Variants in PRSS55 observed in about 807,000 individuals in gnomAD.
PRSS55 encodes the protein serine protease 55, also known as probable serine protease UNQ9391/PRO34284.
PRSS55 carries 41 observed loss-of-function variants against 23.6 expected under a neutral mutation model. That is an observed-to-expected ratio of 1.74 (90% CI 1.35 to 2.26). The LOEUF is 2.26. Ranked by LOEUF, PRSS55 falls within the 30% of genes most tolerant of loss-of-function variation. PRSS55 has a pLI of 0.00. For synonymous variants in PRSS55, 262 were observed against 175.5 expected (o/e 1.49, Z -3.90); for missense variants, 669 against 439.1 (o/e 1.52, Z -4.68).
chr8:10,543,472 C>CTTTTCTTTTCT (rs57410388), downstream of PRSS55, among the ~76,000 whole-genome samples: 33 of 29,308 alleles, frequency 1.1e-3, no homozygotes, highest in African/African-American at 1.9e-3. Flanking sequence ...TCCTTTCTTT[C>CTTTTCTTTTCT]TTTCTCTCTT....
chr8:10,546,951 G>C (rs1812832851), intron 4 of PRSS55, among the ~76,000 whole-genome samples: 1 of 152,090 alleles, frequency 6.6e-6, no homozygotes, highest in Admixed American at 6.5e-5. Context: ...CAAAGTGCTG[G>C]GATTACAGGT....
intron 1 of PRSS55, among the ~76,000 whole-genome samples, chr8:10,526,534 A>G (rs1744398971): frequency 6.6e-6 from 1 of 152,214 alleles, no homozygotes; most frequent in South Asian, 2.1e-4. Context: ...CATCAGCAGA[A>G]TATGCTCCTC....
intron 4 of PRSS55, among the ~76,000 whole-genome samples, chr8:10,535,736 A>G (rs1200072438): frequency 2.0e-5 from 3 of 152,250 alleles, no homozygotes; most frequent in Non-Finnish European, 4.4e-5. Flanking sequence ...ACTAAAGAGC[A>G]TCTGCACAGC....
intron 4 of PRSS55, among the ~76,000 whole-genome samples, chr8:10,552,162 T>C (rs749035070): frequency 1.2e-4 from 18 of 152,204 alleles, no homozygotes; most frequent in Non-Finnish European, 2.1e-4. Flanking sequence ...ATCTTTCTCT[T>C]AGAACAAACG....
chr8:10,527,951 G>A (rs1324148971), intron 1 of PRSS55, among the ~76,000 whole-genome samples: 16 of 152,150 alleles, frequency 1.1e-4, no homozygotes, highest in South Asian at 2.1e-4. Flanking sequence ...GGTGGCTCAC[G>A]CCTGTAATCC....
chr8:10,553,736 A>C (rs1473727018), intron 4 of PRSS55, among the ~76,000 whole-genome samples: 1 of 152,258 alleles, frequency 6.6e-6, no homozygotes, highest in Non-Finnish European at 1.5e-5. Flanking sequence ...TTGTTAATAC[A>C]GTAATAATGT....
chr8:10,529,616 A>T lies in PRSS55; in HGVS notation c.264A>T (p.Arg88Ser). Residue 88 changes from arginine to serine, a missense_variant, in exon 2 of 5, where the codon AGA becomes AGT. Transcript: ENST00000328655. ...EFPWQVSIQA[R>S]SEPFCGGSIL... ...CGTGGCAGGTGAGTATTCAGGCAAG[A>T]AGTGAACCTTTCTGTGGCGGCTCCA... 6.2e-7 allele frequency: 1 copy of T among 1,614,182 alleles called. No homozygotes were observed. The highest frequency in any genetic ancestry group is 1.3e-5 in the African/African-American group (1 of 75,052).
At chr8:10,552,538 T>G (rs1812973354) in intron 4 of PRSS55, among the ~76,000 whole-genome samples, 1 of 152,188 alleles carries the variant, frequency 6.6e-6, no homozygotes, top group Admixed American at 6.5e-5. Context: ...TTTAAGGGGT[T>G]AATCCCCAAA....
intron 4 of PRSS55, among the ~76,000 whole-genome samples, chr8:10,550,458 C>T (rs1191058666): frequency 6.6e-6 from 1 of 152,184 alleles, no homozygotes; most frequent in Admixed American, 6.5e-5. Flanking sequence ...TGGCAGTTGG[C>T]TGCTGTGCCT....
chr8:10,535,343 C>T (rs1346380248), intron 4 of PRSS55, among the ~76,000 whole-genome samples: 4 of 152,184 alleles, frequency 2.6e-5, no homozygotes, highest in African/African-American at 7.2e-5. Flanking sequence ...GTAACCAAAA[C>T]AGCATGGTGC....
At chr8:10,550,965 C>A (rs576121799) in intron 4 of PRSS55, among the ~76,000 whole-genome samples, 10 of 152,226 alleles carry the variant, frequency 6.6e-5, no homozygotes, top group Non-Finnish European at 1.3e-4. Context: ...CTAAAACATT[C>A]TTCTGCCCCA....
At chr8:10,532,641 G>T (rs1431019958) in intron 3 of PRSS55, among the ~76,000 whole-genome samples, 4 of 152,232 alleles carry the variant, frequency 2.6e-5, no homozygotes, top group Non-Finnish European at 5.9e-5. Flanking sequence ...AGTCTGTGGG[G>T]CTGACTGGGG....
downstream of PRSS55, chr8:10,538,842 G>A (rs749938283): frequency 6.7e-7 from 1 of 1,490,108 alleles, no homozygotes; most frequent in East Asian, 2.3e-5. Context: ...GCATGCAAGT[G>A]CGTCTCCAGC....
At chr8:10,528,096 G>A (rs1812102364) in intron 1 of PRSS55, among the ~76,000 whole-genome samples, 1 of 151,938 alleles carries the variant, frequency 6.6e-6, no homozygotes, top group South Asian at 2.1e-4. Flanking sequence ...GGAAGCTGAG[G>A]CAGGAGGCAG....
downstream of PRSS55, among the ~76,000 whole-genome samples, chr8:10,539,057 A>G (rs1812561322): frequency 6.6e-6 from 1 of 152,030 alleles, no homozygotes. Flanking sequence ...ATAACAGAAA[A>G]AAAAAAAAAG....
chr8:10,537,512 G>A (rs866372490), intron 4 of PRSS55, among the ~76,000 whole-genome samples: 1 of 152,156 alleles, frequency 6.6e-6, no homozygotes, highest in African/African-American at 2.4e-5. Flanking sequence ...CAGTTAGTTA[G>A]AATGAATAAA....
chr8:10,531,629 A>G, intron 3 of PRSS55, 84 bp downstream of exon 3: 1 of 1,555,218 alleles, frequency 6.4e-7, no homozygotes, highest in Non-Finnish European at 8.7e-7. Flanking sequence ...GAGTGAGGAC[A>G]AGACTTGCAT....
downstream of PRSS55, among the ~76,000 whole-genome samples, chr8:10,543,416 C>T (rs1195226890): frequency 8.7e-6 from 1 of 115,166 alleles, no homozygotes; most frequent in Non-Finnish European, 1.8e-5. Flanking sequence ...TTTCTTTCTT[C>T]TTTCTTTCTT....
At chr8:10,529,317 G>C (rs989655618) in intron 1 of PRSS55, 190 bp from the exon 2 acceptor site, 3 of 639,362 alleles carry the variant, frequency 4.7e-6, no homozygotes, top group East Asian at 2.7e-5. Flanking sequence ...GCTCTGTGTA[G>C]ACAAAATAAA....
Sources: gnomAD v4.1 joint callset for allele counts (sites outside exome capture counted in the v4.1 genomes callset) on GRCh38, gnomAD v4.1.1 for gene constraint, MANE v1.5 for transcripts, NCBI Gene and HGNC (gene_info 2026-07-23, HGNC 2026-07-21) for gene names.